SUN3: variants seen among roughly 807,000 people sequenced by gnomAD.
The protein encoded by SUN3 is SUN domain-containing protein 3.
A neutral mutation model predicts 48.2 loss-of-function variants in SUN3; 36 were observed. The ratio of observed to expected loss-of-function variants is 0.75; its 90% CI spans 0.57 to 0.99. The LOEUF is 0.99. Ranked by LOEUF, SUN3 falls within the 50% of genes least tolerant of loss-of-function variation. The pLI is 0.00. For synonymous variants in SUN3, 148 were observed against 147.9 expected (o/e 1.00, Z 0.00); for missense variants, 419 against 433.1 (o/e 0.97, Z 0.29).
Position 48,005,973 on chromosome 7 carries a change from C to T in SUN3, c.573G>A (p.Ser191=), listed in dbSNP as rs886695346. The T allele has an allele frequency of 1.4e-5, 22 of 1,608,252 alleles. No homozygotes were observed. Among genetic ancestry groups the T allele is most frequent in the Middle Eastern group, 1.7e-4 (1 of 6,030 alleles). ...QVEMADYALK[S]AGASIIEAGT... ...TTTCACTTTTTCTGTACTCACCGGC[C>T]GACTTCAGGGCATAATCAGCCATCT... Residue 191 remains serine (S), a synonymous_variant, in exon 6 of 10, where the codon TCG becomes TCA. Coordinates refer to ENST00000297325, the MANE Select transcript of SUN3 (RefSeq NM_001030019.2).
intron 6 of SUN3, among the ~76,000 whole-genome samples, chr7:47,996,449 T>C (rs1465913088): frequency 6.6e-6 from 1 of 152,198 alleles, no homozygotes; most frequent in Non-Finnish European, 1.5e-5. Context: ...CCTAAAAACG[T>C]ATATAGATCT....
chr7:48,001,166 A>G (rs1053697310), intron 6 of SUN3, among the ~76,000 whole-genome samples: 1 of 152,120 alleles, frequency 6.6e-6, no homozygotes, highest in Non-Finnish European at 1.5e-5. Context: ...GATTTGTTGT[A>G]CAGATTATTT....
Position 47,994,380 on chromosome 7 carries a change from G to A in SUN3, c.796C>T (p.His266Tyr), listed in dbSNP as rs779091892. 51 of 1,613,434 alleles carry A rather than the reference G, an allele frequency of 3.2e-5. No homozygotes were observed. Among genetic ancestry groups the A allele is most frequent in the Non-Finnish European group, 4.2e-5 (49 of 1,179,740 alleles). The change falls in exon 8 of 10, where the codon CAC (histidine) becomes TAC (tyrosine). Residue 266 changes from histidine (H) to tyrosine (Y), a missense_variant. His to Tyr is a moderately conservative substitution (Grantham distance 83, BLOSUM62 2). Coordinates refer to ENST00000297325, the MANE Select transcript of SUN3 (RefSeq NM_001030019.2). ...KIIPTAVTME[H>Y]ISEKVSPSGN... ...GACGGAGACACCTTCTCTGAGATGT[G>A]CTCCATGGTAACAGCAGTTGGTATG...
chr7:47,995,117 ATGG>A (rs1432429133), intron 7 of SUN3, among the ~76,000 whole-genome samples: 3 of 151,298 alleles, frequency 2.0e-5, no homozygotes, highest in African/African-American at 4.9e-5. Flanking sequence ...GGTAGTGGTG[ATGG>A]TGGTGATGAA....
chr7:47,998,269 G>T (rs905086590), intron 6 of SUN3, among the ~76,000 whole-genome samples: 1 of 152,082 alleles, frequency 6.6e-6, no homozygotes, highest in Non-Finnish European at 1.5e-5. Context: ...CATTCTAATC[G>T]GTGTGTAATG....
At position 48,029,059 on chromosome 7, in the gene SUN3, C is replaced by A; in HGVS notation, c.-121G>T. 2 of 1,394,520 alleles carry A rather than the reference C, an allele frequency of 1.4e-6. No homozygotes were observed. The highest frequency in any genetic ancestry group is 9.8e-7 in the Non-Finnish European group (1 of 1,025,466). The allele number at this position is 1,394,520 out of a possible 1,614,324, so 86.4% of individuals were successfully genotyped here. ...CTAAATTTGTTTTGTATAATGTCTTCTTCCTCCACGGGTGTTTCTTCTTGA... is the reference window on the plus strand; with the variant it reads ...CTAAATTTGTTTTGTATAATGTCTTATTCCTCCACGGGTGTTTCTTCTTGA... On this transcript the variant is annotated 5_prime_UTR_variant, in exon 1 of 10. Coordinates refer to ENST00000297325, the MANE Select transcript of SUN3 (RefSeq NM_001030019.2).
intron 9 of SUN3, 81 bp from the exon 10 acceptor site, chr7:47,987,530 A>G: frequency 1.5e-6 from 2 of 1,323,102 alleles, no homozygotes; most frequent in Non-Finnish European, 2.0e-6. Flanking sequence ...TATAATTTTA[A>G]ATTATATACT....
intron 2 of SUN3, among the ~76,000 whole-genome samples, chr7:48,024,130 C>A (rs1484850463): frequency 6.6e-6 from 1 of 152,070 alleles, no homozygotes; most frequent in Admixed American, 6.5e-5. Context: ...CCAGAAAACT[C>A]TTTTAAAAAG....
chr7:48,002,348 T>C (rs7800590), intron 6 of SUN3, among the ~76,000 whole-genome samples: 48,585 of 135,880 alleles, frequency 0.36, 7,859 homozygotes, highest in Middle Eastern at 0.52. Flanking sequence ...TTAGTAGAGA[T>C]GGGGTTTCAC....
intron 6 of SUN3, 44 bp downstream of exon 6, chr7:48,005,925 T>TG: frequency 7.7e-7 from 1 of 1,302,660 alleles, no homozygotes. Flanking sequence ...CCTGAAGCAT[T>TG]CTTTTTTTTT....
upstream of SUN3, among the ~76,000 whole-genome samples, chr7:48,032,391 A>T (rs1282128870): frequency 6.6e-6 from 1 of 152,220 alleles, no homozygotes; most frequent in Non-Finnish European, 1.5e-5. Context: ...TGAAACATAG[A>T]AGTTTTGTTT....
intron 6 of SUN3, among the ~76,000 whole-genome samples, chr7:48,004,871 A>G (rs1408899186): frequency 6.6e-6 from 1 of 152,222 alleles, no homozygotes; most frequent in Non-Finnish European, 1.5e-5. Context: ...TTTACTTTTT[A>G]GCCCACTCAC....
intron 1 of SUN3, among the ~76,000 whole-genome samples, chr7:48,026,566 T>A (rs1274556099): frequency 7.1e-6 from 1 of 141,154 alleles, no homozygotes. Context: ...TGGACTGAAT[T>A]GCACCCCACC....
At chr7:47,989,107 CAGATAGAT>C (rs553753501) in intron 8 of SUN3, 5 of 374,588 alleles carry the variant, frequency 1.3e-5, no homozygotes, top group Admixed American at 4.3e-5. Context: ...GACACACAGA[CAGATAGAT>C]AGATAGATAG....
intron 3 of SUN3, among the ~76,000 whole-genome samples, chr7:48,013,273 C>T (rs934801394): frequency 2.6e-5 from 4 of 152,138 alleles, no homozygotes; most frequent in African/African-American, 9.7e-5. Context: ...ATCCAGCTTC[C>T]TAATCTATAA....
intron 4 of SUN3, 119 bp downstream of exon 4, chr7:48,008,916 G>T (rs1789606044): frequency 1.2e-6 from 1 of 806,606 alleles, no homozygotes; most frequent in South Asian, 1.7e-5. Context: ...TTATTTCTGG[G>T]AGTGAAATTT....
intron 6 of SUN3, among the ~76,000 whole-genome samples, chr7:48,001,545 T>TTTTTTTTTTTTG (rs1789375479): frequency 7.0e-6 from 1 of 143,546 alleles, no homozygotes; most frequent in African/African-American, 2.6e-5. Flanking sequence ...TTTTTTTTTT[T>TTTTTTTTTTTTG]TTTTTTGAGA....
At chr7:48,014,406 C>T (rs1276970148) in intron 3 of SUN3, among the ~76,000 whole-genome samples, 1 of 152,146 alleles carries the variant, frequency 6.6e-6, no homozygotes, top group Non-Finnish European at 1.5e-5. Context: ...GGGGACTCTT[C>T]TAGGCTCTAG....
upstream of SUN3, chr7:48,029,256 A>C (rs182073327): frequency 8.1e-6 from 2 of 245,608 alleles, no homozygotes; most frequent in Non-Finnish European, 7.9e-6. Context: ...AGGCCCCCCC[A>C]TGTACCTACC....
Sources: allele counts gnomAD v4.1 joint callset (sites outside exome capture counted in the v4.1 genomes callset), GRCh38; gene constraint gnomAD v4.1.1; transcripts MANE v1.5; gene names NCBI Gene and HGNC (gene_info 2026-07-23, HGNC 2026-07-21).